ETV6: variants seen among roughly 807,000 people sequenced by gnomAD.
The protein encoded by ETV6 is ETS variant transcription factor 6, also known as transcription factor ETV6.
A neutral mutation model predicts 51.1 loss-of-function variants in ETV6; 16 were observed. The observed-to-expected ratio is 0.31, with a 90% CI of 0.21 to 0.48. The LOEUF (loss-of-function observed/expected upper bound fraction) is 0.48, where lower values mean the gene tolerates loss of function less well. ETV6 is among the 20% of genes least tolerant of loss of function. The pLI, the probability that ETV6 is intolerant of heterozygous loss-of-function variation, is 0.99. For synonymous variants in ETV6, 240 were observed against 224.1 expected, an observed-to-expected ratio of 1.07 and a Z score of -0.64; for missense variants, 458 against 594.8, an observed-to-expected ratio of 0.77 and a Z score of 2.39.
chr12:11,805,057 A>G (rs1945809787), intron 2 of ETV6, among the ~76,000 whole-genome samples: 1 of 152,170 alleles, frequency 6.6e-6, no homozygotes, highest in African/African-American at 2.4e-5. Flanking sequence ...CAGCAAGGGA[A>G]ATGTCCTTTC....
rs746847704 is a variant in ETV6 at position 11,752,538 on chromosome 12, T to A, written c.122T>A (p.Leu41His). ...CTTCATGTTCCAGTGCCTCGAGCGC[T>A]CAGGATGGAGGAAGACTCGATCCGC... is the stretch of plus-strand genomic sequence containing the variant. ...TPLHVPVPRA[L>H]RMEEDSIRLP... Residue 41 changes from leucine (L) to histidine (H), a missense_variant, in exon 2 of 8, where the codon CTC (leucine) becomes CAC (histidine). This residue lies in a region of ETV6 where 84 missense variants were observed against 75.9 expected (regional missense o/e 1.11). Transcript: ENST00000396373. 6.2e-7 allele frequency: 1 copy of A among 1,613,802 alleles called. No individual in the cohort carries two copies. Among genetic ancestry groups the A allele is most frequent in the Non-Finnish European group, 8.5e-7 (1 of 1,179,988 alleles).
At chr12:11,770,930 A>G (rs190195600) in intron 2 of ETV6, among the ~76,000 whole-genome samples, 199 of 152,270 alleles carry the variant, frequency 1.3e-3, no homozygotes, top group African/African-American at 4.2e-3. Context: ...TGCCTATGCA[A>G]TGGCTCTGAG....
chr12:11,682,220 C>T (rs1193973250), intron 1 of ETV6, among the ~76,000 whole-genome samples: 1 of 152,204 alleles, frequency 6.6e-6, no homozygotes, highest in East Asian at 1.9e-4. Context: ...ACATCCTCTC[C>T]AGCATCTTTT....
chr12:11,654,382 T>A (rs1232893587), intron 1 of ETV6, among the ~76,000 whole-genome samples: 1 of 152,144 alleles, frequency 6.6e-6, no homozygotes, highest in Admixed American at 6.5e-5. Context: ...GGGGTTTGCT[T>A]CAACCCATGG....
At chr12:11,700,697 T>C (rs995075585) in intron 1 of ETV6, among the ~76,000 whole-genome samples, 3 of 152,190 alleles carry the variant, frequency 2.0e-5, no homozygotes, top group African/African-American at 7.2e-5. Flanking sequence ...TACCGTTCAT[T>C]AAGTGGAAGT....
intron 2 of ETV6, among the ~76,000 whole-genome samples, chr12:11,791,957 G>A (rs1289381784): frequency 6.6e-6 from 1 of 152,170 alleles, no homozygotes; most frequent in Non-Finnish European, 1.5e-5. Flanking sequence ...GAAGAAGTGA[G>A]ACATTTTGAG....
intron 5 of ETV6, among the ~76,000 whole-genome samples, chr12:11,880,383 A>C (rs570213890): frequency 6.6e-6 from 1 of 152,342 alleles, no homozygotes; most frequent in East Asian, 1.9e-4. Flanking sequence ...GCTGATAGGG[A>C]AACGGTGTTC....
At chr12:11,677,789 T>A (rs932910356) in intron 1 of ETV6, among the ~76,000 whole-genome samples, 1 of 152,244 alleles carries the variant, frequency 6.6e-6, no homozygotes, top group East Asian at 1.9e-4. Flanking sequence ...ATGAGGATAG[T>A]AGCACCTACT....
chr12:11,657,063 AC>A (rs1864012984), intron 1 of ETV6, among the ~76,000 whole-genome samples: 1 of 152,114 alleles, frequency 6.6e-6, no homozygotes, highest in Admixed American at 6.5e-5. Context: ...CGGCCATCTG[AC>A]TTTATACATT....
At chr12:11,686,881 C>CT (rs933194224) in intron 1 of ETV6, among the ~76,000 whole-genome samples, 8 of 151,496 alleles carry the variant, frequency 5.3e-5, no homozygotes, top group East Asian at 3.9e-4. Flanking sequence ...TTGGCAATAC[C>CT]TTTTTTTTTC....
At chr12:11,777,201 C>G (rs905711407) in intron 2 of ETV6, among the ~76,000 whole-genome samples, 1 of 136,510 alleles carries the variant, frequency 7.3e-6, no homozygotes, top group Admixed American at 8.4e-5. Flanking sequence ...GATAGCGCCA[C>G]TGCACTCCAG....
At chr12:11,734,016 A>G (rs187780167) in intron 1 of ETV6, among the ~76,000 whole-genome samples, 15 of 152,370 alleles carry the variant, frequency 9.8e-5, no homozygotes, top group African/African-American at 3.4e-4. Flanking sequence ...CTCCTCAAGT[A>G]TCTATCCAAT....
intron 1 of ETV6, among the ~76,000 whole-genome samples, chr12:11,731,374 C>T (rs1025420863): frequency 3.3e-5 from 5 of 152,116 alleles, no homozygotes; most frequent in South Asian, 2.1e-4. Context: ...TGGTTTTCTA[C>T]GTACTCAAAA....
At chr12:11,652,035 C>G (rs992488630) in intron 1 of ETV6, among the ~76,000 whole-genome samples, 1 of 152,170 alleles carries the variant, frequency 6.6e-6, no homozygotes, top group Non-Finnish European at 1.5e-5. Context: ...AAGCAAAACG[C>G]GTTCTTAAAT....
At chr12:11,765,341 G>C (rs963865058) in intron 2 of ETV6, among the ~76,000 whole-genome samples, 1 of 152,062 alleles carries the variant, frequency 6.6e-6, no homozygotes, top group Admixed American at 6.6e-5. Context: ...ATCCAGGGCC[G>C]TCTTAGATCC....
chr12:11,839,991 C>T (rs760114518), intron 3 of ETV6, among the ~76,000 whole-genome samples: 1 of 152,004 alleles, frequency 6.6e-6, no homozygotes, highest in Non-Finnish European at 1.5e-5. Flanking sequence ...AGGAGAAGGA[C>T]GTAGAAGGGC....
At chr12:11,721,110 C>T (rs1018057503) in intron 1 of ETV6, among the ~76,000 whole-genome samples, 1 of 152,058 alleles carries the variant, frequency 6.6e-6, no homozygotes, top group East Asian at 1.9e-4. Context: ...GCTTATACAC[C>T]GGTGGGGGAA....
At chr12:11,691,278 A>G (rs1261520279) in intron 1 of ETV6, among the ~76,000 whole-genome samples, 1 of 152,192 alleles carries the variant, frequency 6.6e-6, no homozygotes, top group Non-Finnish European at 1.5e-5. Context: ...ATTCTGGGGT[A>G]ACACAAACCT....
chr12:11,843,492 C>A lies in ETV6; in HGVS notation c.328+4188C>A, dbSNP rs182539353. Among the ~76,000 whole-genome samples, 35 of 152,260 alleles carry A rather than the reference C, an allele frequency of 2.3e-4. No homozygotes were observed. In the East Asian group the frequency reaches 4.0e-3, roughly 18 times the overall value. ...AAAATGCAGTTCTCACCACATGGAT[C>A]CTAAGCTCCCTTCCATTCTTAACAG... On this transcript the variant is annotated intron_variant, in intron 3 of 7. Transcript: ENST00000396373.
Sources: gnomAD v4.1 joint callset for allele counts (sites outside exome capture counted in the v4.1 genomes callset) on GRCh38, gnomAD v4.1.1 for gene constraint, gnomAD v4.1.1 regional missense constraint, MANE v1.5 for transcripts, NCBI Gene and HGNC (gene_info 2026-07-23, HGNC 2026-07-21) for gene names.